ZFP37: variants seen among roughly 807,000 people sequenced by gnomAD.
ZFP37 encodes ZFP37 zinc finger protein.
A neutral mutation model predicts 52.1 loss-of-function variants in ZFP37; 38 were observed. The ratio of observed to expected loss-of-function variants is 0.73; its 90% confidence interval spans 0.56 to 0.96. ZFP37 has a LOEUF of 0.96. Among genes scored for constraint, ZFP37 ranks in the 40% least tolerant of loss-of-function variants. The pLI is 0.00. For synonymous variants in ZFP37, 253 were observed against 259.5 expected (o/e 0.98, Z 0.24); for missense variants, 695 against 741.4 (o/e 0.94, Z 0.73).
chr9:113,042,556 A>T lies in ZFP37; in HGVS notation c.*169T>A. 2.0e-6 allele frequency: 1 copy of T among 509,418 alleles called. No individual in the cohort carries two copies. The highest frequency in any genetic ancestry group is 3.3e-6 in the Non-Finnish European group (1 of 299,828). The allele number at this position is 509,418 out of a possible 1,614,324, so 31.6% of individuals were successfully genotyped here. A position where few individuals can be genotyped will look rare whatever the true frequency, so the allele number is the denominator to read the frequency against. On this transcript the variant is annotated 3_prime_UTR_variant, in exon 4 of 4. Transcript: ENST00000374227. ...TTATAAAAGGTTTTGTATCAAGTTT[A>T]AACCCTTGTTTCCATCCACTGATTC...
rs1334032834 is a variant in ZFP37, at chr9:113,042,693, T to C, written c.*32A>G. On this transcript the variant is annotated 3_prime_UTR_variant, in exon 4 of 4. Transcript: ENST00000374227. ...ATATTTCCAAGGTTCAACAAAACCT[T>C]AAATTTAGTTAACAAATTTCCCACA... The C allele has an allele frequency of 6.6e-7, 1 of 1,512,874 alleles. No homozygotes were observed. Among genetic ancestry groups the C allele is most frequent in the Admixed American group, 2.2e-5 (1 of 45,012 alleles). The allele number at this position is 1,512,874 out of a possible 1,614,324, so 93.7% of individuals were successfully genotyped here. A position where few individuals can be genotyped will look rare whatever the true frequency, so the allele number is the denominator to read the frequency against.
rs1425159714 is a variant in ZFP37, at chr9:113,056,693, G to A, written c.-5C>T. The A allele has an allele frequency of 1.2e-6, 2 of 1,611,286 alleles. No homozygotes were observed. Among genetic ancestry groups the A allele is most frequent in the Admixed American group, 1.7e-5 (1 of 60,000 alleles). On this transcript the variant is annotated 5_prime_UTR_variant, in exon 1 of 4. Transcript: ENST00000374227. ...GACGCCGCTGGAGACCGACATGGCG[G>A]CTACCCGGAGGGCGGCCTTAGCGGG...
chr9:113,046,875 C>T (rs924145515), intron 3 of ZFP37, among the ~76,000 whole-genome samples: 1 of 151,996 alleles, frequency 6.6e-6, no homozygotes, highest in Middle Eastern at 3.2e-3. Flanking sequence ...TTTGGGAGGC[C>T]GAAGCGGGTG....
At chr9:113,051,262 C>A (rs903551717) in intron 1 of ZFP37, among the ~76,000 whole-genome samples, 4 of 151,912 alleles carry the variant, frequency 2.6e-5, no homozygotes, top group Non-Finnish European at 5.9e-5. Context: ...ATAAGCAGAA[C>A]CCTAACTAGG....
chr9:113,049,388 C>G lies in ZFP37; in HGVS notation c.323G>C (p.Arg108Thr). 6.2e-7 allele frequency: 1 copy of G among 1,613,838 alleles called. No individual in the cohort carries two copies. The highest frequency in any genetic ancestry group is 8.5e-7 in the Non-Finnish European group (1 of 1,179,898). Residue 108 changes from arginine (R) to threonine (T), a missense_variant, in exon 3 of 4, where the codon AGA becomes ACA. By Grantham distance (71) the Arg-to-Thr change is moderately conservative. Around this residue, in one of 2 missense-constraint regions of ZFP37, gnomAD observed 369 missense variants for 340.9 expected, o/e 1.08. Transcript: ENST00000374227. ...PSQGCPSKIARPKQKETDGKV... is the reference protein window; with the variant it reads ...PSQGCPSKIATPKQKETDGKV... ...TCCATCAGTTTCTTTTTGCTTGGGT[C>G]TTGCTATTTTACTTGGACAACCTTG...
rs1431833306 is a variant in ZFP37, at chr9:113,040,804, A to G, written c.*1921T>C. The stretch of plus-strand genomic sequence containing the variant: ...TGTGCTTTAAAAAATATAAAAGATA[A>G]CATGCCAAATTATAATATTTTATAT... On this transcript the variant is annotated 3_prime_UTR_variant, in exon 4 of 4. Coordinates refer to ENST00000374227, the MANE Select transcript of ZFP37 (RefSeq NM_003408.3). 1 of 152,156 alleles carries G rather than the reference A, an allele frequency of 6.6e-6. No homozygotes were observed. Among genetic ancestry groups the G allele is most frequent in the Non-Finnish European group, 1.5e-5 (1 of 68,026 alleles). 9.4% of individuals were successfully genotyped at this position (152,156 alleles called of 1,614,324 possible).
In ZFP37 at chr9:113,042,533, A is replaced by T. The variant is rs558511394; in HGVS notation, c.*192T>A. ...TTGAGTAGTTAAAACAATATTTTTT[A>T]TAAAAGGTTTTGTATCAAGTTTAAA... On this transcript the variant is annotated 3_prime_UTR_variant, in exon 4 of 4. Coordinates refer to ENST00000374227, the MANE Select transcript of ZFP37 (RefSeq NM_003408.3). 268 of 445,294 alleles carry T rather than the reference A, an allele frequency of 6.0e-4. 1 individual carries two copies. The highest frequency in any genetic ancestry group is 5.0e-3 in the African/African-American group (243 of 49,060). 27.6% of individuals were successfully genotyped at this position (445,294 alleles called of 1,614,324 possible). A position where few individuals can be genotyped will look rare whatever the true frequency, so the allele number is the denominator to read the frequency against.
rs1216847660 is a variant in ZFP37 at position 113,049,511 on chromosome 9, T to G, written c.215-15A>C. 3.7e-6 allele frequency: 6 copies of G among 1,607,624 alleles called. No individual in the cohort carries two copies. The highest frequency in any genetic ancestry group is 5.1e-6 in the Non-Finnish European group (6 of 1,176,138). The stretch of plus-strand genomic sequence containing the variant: ...AGCTTGACACCCTGCTCATGAGAAA[T>G]AGCAGAAACTGAGTGTTAGAACAAC... On this transcript the variant is annotated splice_polypyrimidine_tract_variant and intron_variant, in intron 2 of 3. Transcript: ENST00000374227.
chr9:113,050,911 T>C lies in ZFP37; in HGVS notation c.133-1039A>G, dbSNP rs1829046595. ...CCATCTCAAAAAAAAAAAAAGTTAT[T>C]TATGTTTGGCAGCAAAAGTAAGATA... is the stretch of plus-strand genomic sequence containing the variant. On this transcript the variant is annotated intron_variant, in intron 1 of 3. Coordinates refer to ENST00000374227, the MANE Select transcript of ZFP37 (RefSeq NM_003408.3). Among the ~76,000 whole-genome samples the C allele has an allele frequency of 2.0e-5, 3 of 151,878 alleles. No individual in the cohort carries two copies. The South Asian group carries it at 6.2e-4, about 32-fold the overall frequency.
chr9:113,054,527 C>T (rs1037543701), intron 1 of ZFP37, among the ~76,000 whole-genome samples: 17 of 152,260 alleles, frequency 1.1e-4, no homozygotes, highest in Admixed American at 1.1e-3. Flanking sequence ...ATAGTGGCTA[C>T]CCAATATCTC....
At position 113,044,165 on chromosome 9, in the gene ZFP37, G is replaced by A. The variant is rs771798431; in HGVS notation, c.453C>T (p.Gly151=). 6 of 1,611,084 alleles carry A rather than the reference G, an allele frequency of 3.7e-6. No individual in the cohort carries two copies. The South Asian group carries it at 6.7e-5, about 18-fold the overall frequency. Residue 151 remains glycine, a synonymous_variant, in exon 4 of 4, where the codon GGC becomes GGT. Coordinates refer to ENST00000374227, the MANE Select transcript of ZFP37 (RefSeq NM_003408.3). ...TTTTCCCCAGTGAACCACAGTCACTGCCATTCTTCTTAGCTTGAGTTTTCT... is the reference window on the plus strand; with the variant it reads ...TTTTCCCCAGTGAACCACAGTCACTACCATTCTTCTTAGCTTGAGTTTTCT... ...VKKKTQAKKN[G]SDCGSLGKKN... is the part of the protein sequence containing the mutation.
rs1828857916 is a variant in ZFP37 at position 113,042,157 on chromosome 9, C to G, written c.*568G>C. On this transcript the variant is annotated 3_prime_UTR_variant, in exon 4 of 4. Transcript: ENST00000374227. ...TCTTGAATATCGCTCCCTACCAGCA[C>G]ATTTGTATCCTCAGCTGCTTTATTT... 1 of 152,274 alleles carries G rather than the reference C, an allele frequency of 6.6e-6. No individual in the cohort carries two copies. The highest frequency in any genetic ancestry group is 2.4e-5 in the African/African-American group (1 of 41,454). 9.4% of individuals were successfully genotyped at this position (152,274 alleles called of 1,614,324 possible). A position where few individuals can be genotyped will look rare whatever the true frequency, so the allele number is the denominator to read the frequency against.
intron 3 of ZFP37, among the ~76,000 whole-genome samples, chr9:113,048,087 A>C (rs1828990840): frequency 6.6e-6 from 1 of 152,242 alleles, no homozygotes; most frequent in Admixed American, 6.5e-5. Context: ...GATCTGATTC[A>C]AGTTGTACAA....
chr9:113,047,784 G>A (rs1828984757), intron 3 of ZFP37, among the ~76,000 whole-genome samples: 1 of 152,110 alleles, frequency 6.6e-6, no homozygotes, highest in Non-Finnish European at 1.5e-5. Context: ...GATAAAAACA[G>A]GGAAGATGAA....
intron 3 of ZFP37, among the ~76,000 whole-genome samples, chr9:113,047,610 G>A (rs1207725837): frequency 6.6e-6 from 1 of 151,868 alleles, no homozygotes; most frequent in Non-Finnish European, 1.5e-5. Context: ...AAAAATTAGG[G>A]AAAAAAATGG....
rs918317851 is a variant in ZFP37 at position 113,041,054 on chromosome 9, C to T, written c.*1671G>A. 1 of 152,092 alleles carries T rather than the reference C, an allele frequency of 6.6e-6. No individual in the cohort carries two copies. Among genetic ancestry groups the T allele is most frequent in the African/African-American group, 2.4e-5 (1 of 41,434 alleles). 9.4% of individuals were successfully genotyped at this position (152,092 alleles called of 1,614,324 possible). ...GTGCAAGCAACTCTCTTGCCTCAGC[C>T]TCCTGAGTGGCTGGGATTACAGGGA... On this transcript the variant is annotated 3_prime_UTR_variant, in exon 4 of 4. Transcript: ENST00000374227.
intron 2 of ZFP37, 91 bp from the exon 3 acceptor site, chr9:113,049,587 A>G: frequency 2.6e-6 from 4 of 1,510,782 alleles, no homozygotes; most frequent in Non-Finnish European, 3.6e-6. Flanking sequence ...TAAAGAATAC[A>G]TGGCTTCTGG....
chr9:113,044,097 AG>A lies in ZFP37; in HGVS notation c.520del (p.Leu174PhefsTer11). The A allele has an allele frequency of 6.2e-7, 1 of 1,611,020 alleles. No homozygotes were observed. The highest frequency in any genetic ancestry group is 1.3e-5 in the African/African-American group (1 of 74,836). ...TTTTCCACATGACTCAAATTTAAGA[AG>A]CCTTTTCTTTGAAGGAACATGTTTT... Reference protein sequence around the residue: ...HKKHVPSKKRLLKFESCGKIL... With the variant: ...HKKHVPSKKRXLKFESCGKIL... On this transcript the variant is annotated frameshift_variant, in exon 4 of 4. Coordinates refer to ENST00000374227, the MANE Select transcript of ZFP37 (RefSeq NM_003408.3). LOFTEE classifies it high-confidence loss of function.
intron 3 of ZFP37, among the ~76,000 whole-genome samples, chr9:113,048,524 T>C (rs1464494711): frequency 6.6e-6 from 1 of 151,900 alleles, no homozygotes; most frequent in African/African-American, 2.4e-5. Flanking sequence ...GCTAAGAGGG[T>C]CACTGCTCCT....
Sources: allele counts gnomAD v4.1 joint callset (sites outside exome capture counted in the v4.1 genomes callset), GRCh38; gene constraint gnomAD v4.1.1; regional missense constraint gnomAD v4.1.1; transcripts MANE v1.5; gene names NCBI Gene and HGNC (gene_info 2026-07-23, HGNC 2026-07-21).